Variants in TAS1R2 observed in about 807,000 individuals in gnomAD.
TAS1R2 encodes taste 1 receptor member 2.
TAS1R2 carries 47 observed loss-of-function variants against 49.3 expected under a neutral mutation model. The observed-to-expected ratio is 0.95, with a 90% confidence interval of 0.75 to 1.22. TAS1R2 has a LOEUF of 1.22. Among genes scored for constraint, TAS1R2 ranks in the 50% most tolerant of loss-of-function variants. The pLI, the probability that TAS1R2 is intolerant of heterozygous loss-of-function variation, is 0.00. For synonymous variants in TAS1R2, 479 were observed against 467.9 expected (o/e 1.02, Z -0.31); for missense variants, 1,155 against 1,122.1 (o/e 1.03, Z -0.42).
At chr1:18,858,136 CCAA>C (rs1434813093) in intron 1 of TAS1R2, among the ~76,000 whole-genome samples, 12 of 151,794 alleles carry the variant, frequency 7.9e-5, no homozygotes, top group Non-Finnish European at 1.5e-4. Context: ...ATCACCACCA[CCAA>C]CATCATCATC....
rs1178086137 is a variant in TAS1R2 at position 18,854,235 on chromosome 1, T to C, written c.1235A>G (p.Lys412Arg). Residue 412 changes from lysine to arginine, a missense_variant, in exon 3 of 6, where the codon AAG becomes AGG. Transcript: ENST00000375371. This position sits in a 1 kb window ranked among gnomAD's most constrained non-coding sequence, Gnocchi z 4.9. ...CACCTGCCAGGGGTAGACCACCCTC[T>C]TGGTGCAGGTGCTTTTGTCACAGCC... 2 of 1,613,788 alleles carry C rather than the reference T, an allele frequency of 1.2e-6. No individual in the cohort carries two copies. Among genetic ancestry groups the C allele is most frequent in the South Asian group, 1.1e-5 (1 of 91,058 alleles).
At position 18,849,451 on chromosome 1, in the gene TAS1R2, A is replaced by G. The variant is rs752345369; in HGVS notation, c.1357T>C (p.Trp453Arg). 2.5e-6 allele frequency: 4 copies of G among 1,614,242 alleles called. No homozygotes were observed. In the East Asian group the frequency reaches 8.9e-5, roughly 36 times the overall value. The stretch of plus-strand genomic sequence containing the variant: ...GGATTCTGGCTCCGGTCCCATTGCC[A>G]CTGGACAATCTCCAAGTGCAGAGCC... The change falls in exon 4 of 6, where the codon TGG becomes CGG. Residue 453 changes from tryptophan to arginine, a missense_variant. By Grantham distance (101) the Trp-to-Arg change is moderately radical. Coordinates refer to ENST00000375371, the Ensembl canonical transcript of TAS1R2.
At chr1:18,851,049 T>G (rs1366435291) in intron 3 of TAS1R2, among the ~76,000 whole-genome samples, 1 of 152,196 alleles carries the variant, frequency 6.6e-6, no homozygotes, top group Non-Finnish European at 1.5e-5. Context: ...TCAGAGATAT[T>G]AAATTTGCCC....
At chr1:18,859,537 G>A (rs370251570) in exon 1 of TAS1R2, 14 of 1,614,228 alleles carry the variant, frequency 8.7e-6, no homozygotes, top group Non-Finnish European at 7.6e-6. Flanking sequence ...ATGTTGGCAT[G>A]GAGGGAGAAG....
rs778839734 is a variant in TAS1R2 at position 18,840,128 on chromosome 1, C to T, written c.1991G>A (p.Arg664His). The change falls in exon 6 of 6, where the codon CGC (arginine) becomes CAC (histidine). Residue 664 changes from arginine to histidine, a missense_variant. Coordinates refer to ENST00000375371, the Ensembl canonical transcript of TAS1R2. The stretch of plus-strand genomic sequence containing the variant: ...CCAGTAGCTGTAGGCGCGTGGGAAG[C>T]GGCTGGCCATCTTGAAGGCGCAGAC... 9.9e-6 allele frequency: 16 copies of T among 1,614,068 alleles called. No individual in the cohort carries two copies. The highest frequency in any genetic ancestry group is 3.3e-5 in the Admixed American group (2 of 60,010).
chr1:18,857,281 A>T (rs770615389), intron 2 of TAS1R2, 50 bp downstream of exon 2: 3 of 1,575,440 alleles, frequency 1.9e-6, no homozygotes, highest in East Asian at 2.3e-5. Flanking sequence ...CTAGACAGCC[A>T]TTCCTCTGCC....
chr1:18,853,282 C>T (rs900472445), intron 3 of TAS1R2, among the ~76,000 whole-genome samples: 1 of 152,026 alleles, frequency 6.6e-6, no homozygotes, highest in African/African-American at 2.4e-5. Flanking sequence ...AGTAAAGCAC[C>T]CATGATAATT....
chr1:18,857,769 G>T, intron 1 of TAS1R2, 138 bp from the exon 2 acceptor site: 1 of 942,068 alleles, frequency 1.1e-6, no homozygotes, highest in Non-Finnish European at 1.6e-6. Context: ...GAAGACTCGG[G>T]CATTTTCACC....
At chr1:18,840,460 C>T in exon 6 of TAS1R2, 1 of 1,614,190 alleles carries the variant, frequency 6.2e-7, no homozygotes, top group Non-Finnish European at 8.5e-7. Context: ...CCAGCTGCCG[C>T]TTGAAGCAGG....
At chr1:18,848,958 A>G (rs1246744428) in intron 4 of TAS1R2, among the ~76,000 whole-genome samples, 1 of 152,328 alleles carries the variant, frequency 6.6e-6, no homozygotes, top group African/African-American at 2.4e-5. Flanking sequence ...TCATCCGGAA[A>G]CTATCCTCCT....
intron 3 of TAS1R2, among the ~76,000 whole-genome samples, chr1:18,853,923 G>A (rs184632529): frequency 7.0e-4 from 106 of 152,270 alleles, no homozygotes; most frequent in Middle Eastern, 3.4e-3. Context: ...ACACAAGCCC[G>A]TCCCAGGCTC....
At chr1:18,853,969 C>T (rs931791060) in intron 3 of TAS1R2, among the ~76,000 whole-genome samples, 2 of 152,334 alleles carry the variant, frequency 1.3e-5, no homozygotes, top group African/African-American at 2.4e-5. Flanking sequence ...GGGGCGCTGC[C>T]GTTCCCACTG....
At chr1:18,849,359 C>A in exon 4 of TAS1R2, 1 of 1,614,006 alleles carries the variant, frequency 6.2e-7, no homozygotes, top group Non-Finnish European at 8.5e-7. Context: ...TGATGGTGTG[C>A]CAGGAGATGT....
At chr1:18,840,764 C>T (rs542733271) in intron 5 of TAS1R2, among the ~76,000 whole-genome samples, 10 of 152,364 alleles carry the variant, frequency 6.6e-5, no homozygotes, top group African/African-American at 2.2e-4. Context: ...TGCCCAAAGC[C>T]AGTAAGTTAG....
Position 18,854,193 on chromosome 1 carries a change from T to A in TAS1R2, c.1257+20A>T. ...GAGGATGGAGGTGCCCTGCAGACTC[T>A]ATGGCAGCCACCCCCTCACCTGCCA... On this transcript the variant is annotated intron_variant, in intron 3 of 5. Transcript: ENST00000375371. The surrounding 1 kb of genome is among the most constrained non-coding windows in gnomAD (Gnocchi z 4.9). 2.5e-6 allele frequency: 4 copies of A among 1,608,508 alleles called. No individual in the cohort carries two copies. The highest frequency in any genetic ancestry group is 3.4e-6 in the Non-Finnish European group (4 of 1,176,302).
exon 5 of TAS1R2, chr1:18,841,758 A>T: frequency 6.2e-7 from 1 of 1,613,978 alleles, no homozygotes; most frequent in East Asian, 2.2e-5. Context: ...GGTGCCGGGA[A>T]GGCAGTCGAT....
chr1:18,844,870 G>A (rs1280229954), intron 4 of TAS1R2, among the ~76,000 whole-genome samples: 1 of 152,200 alleles, frequency 6.6e-6, no homozygotes, highest in Non-Finnish European at 1.5e-5. Flanking sequence ...AGGGATGGAG[G>A]CTACAGATAT....
chr1:18,854,554 T>C lies in TAS1R2; in HGVS notation c.916A>G (p.Ile306Val). ...GTGAGGTTGTGCAGGACCGGGTCGA[T>C]GGCCCAGGACTCGGAGGCGATCCAC... The change falls in exon 3 of 6, where the codon ATC (isoleucine) becomes GTC (valine). Residue 306 changes from isoleucine to valine, a missense_variant. Transcript: ENST00000375371. This position sits in a 1 kb window ranked among gnomAD's most constrained non-coding sequence, Gnocchi z 4.9. 4.3e-6 allele frequency: 7 copies of C among 1,613,484 alleles called. No homozygotes were observed. The South Asian group carries it at 7.7e-5, about 18-fold the overall frequency.
At chr1:18,845,906 A>G (rs903000061) in intron 4 of TAS1R2, among the ~76,000 whole-genome samples, 6 of 152,204 alleles carry the variant, frequency 3.9e-5, no homozygotes, top group Non-Finnish European at 8.8e-5. Flanking sequence ...CAGAATGGTA[A>G]GCAGAAGAGA....
Sources: gnomAD v4.1 joint callset for allele counts (sites outside exome capture counted in the v4.1 genomes callset) on GRCh38, gnomAD v4.1.1 for gene constraint, Gnocchi (gnomAD v3.1) non-coding constraint, MANE v1.5 for transcripts, NCBI Gene and HGNC (gene_info 2026-07-23, HGNC 2026-07-21) for gene names.